The following ABTB2 variants were observed in gnomAD, a reference collection of about 807,000 sequenced individuals.
The protein encoded by ABTB2 is ankyrin repeat and BTB/POZ domain-containing protein 2.
In ABTB2, 56 loss-of-function variants were observed where a neutral mutation model predicts 104.1. The ratio of observed to expected loss-of-function variants is 0.54; its 90% CI spans 0.43 to 0.67. ABTB2 has a LOEUF of 0.67. Among genes scored for constraint, ABTB2 ranks in the 30% least tolerant of loss-of-function variants. ABTB2 has a pLI of 0.00. For missense variants in ABTB2, 1,279 were observed against 1,407.7 expected (o/e 0.91, Z 1.46); for synonymous variants, 606 against 608.2 (o/e 1.00, Z 0.05).
intron 14 of ABTB2, among the ~76,000 whole-genome samples, chr11:34,156,133 G>C (rs766217918): frequency 6.6e-6 from 1 of 152,252 alleles, no homozygotes; most frequent in Non-Finnish European, 1.5e-5. Context: ...GCTACCTCCT[G>C]CTGCATTTTA....
intron 1 of ABTB2, among the ~76,000 whole-genome samples, chr11:34,294,718 A>ATT (rs35936764): frequency 6.9e-6 from 1 of 145,286 alleles, no homozygotes. Context: ...TACAAAAACA[A>ATT]TTTTTTTTTT....
intron 1 of ABTB2, among the ~76,000 whole-genome samples, chr11:34,342,331 T>C (rs977304627): frequency 2.6e-5 from 4 of 152,150 alleles, no homozygotes; most frequent in African/African-American, 9.7e-5. Flanking sequence ...CCCCAGTGGC[T>C]CAGTTGTTGA....
chr11:34,170,053 C>T (rs938100417), intron 5 of ABTB2, among the ~76,000 whole-genome samples: 8 of 152,196 alleles, frequency 5.3e-5, no homozygotes, highest in Middle Eastern at 3.2e-3. Flanking sequence ...AGTGCCCTTC[C>T]GCACACTGTA....
rs1432209099 is a variant in ABTB2 at position 34,204,603 on chromosome 11, T to G, written c.971A>C (p.Glu324Ala). The G allele has an allele frequency of 6.2e-7, 1 of 1,613,540 alleles. No individual in the cohort carries two copies. Among genetic ancestry groups the G allele is most frequent in the African/African-American group, 1.3e-5 (1 of 74,870 alleles). The change falls in exon 2 of 17, where the codon GAG (glutamate) becomes GCG (alanine). Residue 324 changes from glutamate (E) to alanine (A), a missense_variant. Transcript: ENST00000435224. ...DERADAYAQL[E>A]LRTLEQSLLA... ...GAGGGACTGCTCCAGGGTTCGGAGCTCCAGCTGGGCATAGGCATCGGCTCG... is the reference window on the plus strand; with the variant it reads ...GAGGGACTGCTCCAGGGTTCGGAGCGCCAGCTGGGCATAGGCATCGGCTCG...
intron 1 of ABTB2, chr11:34,335,190 G>T: frequency 7.9e-7 from 1 of 1,261,914 alleles, no homozygotes; most frequent in Non-Finnish European, 1.2e-6. Flanking sequence ...AACTACACGG[G>T]TACCCCAGAG....
chr11:34,165,123 C>T (rs1852780197), intron 8 of ABTB2, 137 bp downstream of exon 8: 2 of 848,208 alleles, frequency 2.4e-6, no homozygotes, highest in Admixed American at 6.4e-5. Context: ...CCCAGTGGTC[C>T]AGAGAAGGGG....
At chr11:34,228,534 G>A (rs533827078) in intron 1 of ABTB2, among the ~76,000 whole-genome samples, 245 of 151,978 alleles carry the variant, frequency 1.6e-3, no homozygotes, top group Non-Finnish European at 2.9e-3. Flanking sequence ...ACAGGCGCCC[G>A]CCACCATACC....
chr11:34,181,783 C>T (rs1290375264), intron 3 of ABTB2, among the ~76,000 whole-genome samples: 2 of 152,208 alleles, frequency 1.3e-5, no homozygotes, highest in Non-Finnish European at 2.9e-5. Flanking sequence ...GCCCCACCTG[C>T]AAGCACCCTG....
chr11:34,353,958 T>C (rs1445900770), intron 1 of ABTB2, among the ~76,000 whole-genome samples: 1 of 152,220 alleles, frequency 6.6e-6, no homozygotes, highest in African/African-American at 2.4e-5. Flanking sequence ...GACCACTCCA[T>C]TTTGTTCCTA....
intron 3 of ABTB2, among the ~76,000 whole-genome samples, chr11:34,196,607 C>T (rs1252493560): frequency 6.6e-6 from 1 of 152,200 alleles, no homozygotes; most frequent in Non-Finnish European, 1.5e-5. Flanking sequence ...CACGTGCATC[C>T]CCTACTCATG....
At chr11:34,251,520 G>T (rs1259201817) in intron 1 of ABTB2, among the ~76,000 whole-genome samples, 1 of 152,254 alleles carries the variant, frequency 6.6e-6, no homozygotes, top group African/African-American at 2.4e-5. Context: ...GTTGACCGGT[G>T]TCCATGCCAT....
rs1855357920 is a variant in ABTB2, at chr11:34,348,246, G to C, written c.883+8455C>G. ...CCAAGAGGAGTAATTGGAGGTCTGG[G>C]GCCATGGTTAAGATGAGCTAGGGAG... On this transcript the variant is annotated intron_variant, in intron 1 of 16. Coordinates refer to ENST00000435224, the MANE Select transcript of ABTB2 (RefSeq NM_145804.3). Among the ~76,000 whole-genome samples, 2 of 152,104 alleles carry C rather than the reference G, an allele frequency of 1.3e-5. 1 individual carries two copies.
chr11:34,231,847 C>T (rs538057228), intron 1 of ABTB2, among the ~76,000 whole-genome samples: 1 of 152,200 alleles, frequency 6.6e-6, no homozygotes, highest in African/African-American at 2.4e-5. Flanking sequence ...CCGCAAAAAA[C>T]CCTATAACCC....
At chr11:34,307,016 A>G (rs2955957) in intron 1 of ABTB2, among the ~76,000 whole-genome samples, 17,550 of 149,914 alleles carry the variant, frequency 0.12, 1,404 homozygotes, top group East Asian at 0.27. Context: ...AAAGAAAAAA[A>G]GCAGACGAAC....
At chr11:34,348,106 G>C (rs534404846) in intron 1 of ABTB2, among the ~76,000 whole-genome samples, 1 of 152,304 alleles carries the variant, frequency 6.6e-6, no homozygotes, top group South Asian at 2.1e-4. Context: ...AGGGTTGATA[G>C]AAGCCTTGTT....
chr11:34,172,076 A>C (rs1852882099), intron 4 of ABTB2, among the ~76,000 whole-genome samples: 3 of 151,694 alleles, frequency 2.0e-5, no homozygotes, highest in Non-Finnish European at 4.4e-5. Context: ...GCAGAGGGTT[A>C]AAAAAAAGAT....
intron 13 of ABTB2, 88 bp from the exon 14 acceptor site, chr11:34,159,474 TACC>T: frequency 1.2e-6 from 1 of 863,604 alleles, no homozygotes; most frequent in East Asian, 2.4e-5. Flanking sequence ...CCTGACCGGC[TACC>T]ACAAGACGGA....
At chr11:34,291,457 G>C (rs916367679) in intron 1 of ABTB2, among the ~76,000 whole-genome samples, 1 of 152,144 alleles carries the variant, frequency 6.6e-6, no homozygotes, top group South Asian at 2.1e-4. Flanking sequence ...TCGGCGTGGG[G>C]CACAGGACTG....
chr11:34,227,509 A>G (rs1324879888), intron 1 of ABTB2, among the ~76,000 whole-genome samples: 2 of 152,212 alleles, frequency 1.3e-5, no homozygotes, highest in Non-Finnish European at 2.9e-5. Context: ...AGCATGTATC[A>G]GTACTATACT....
Sources: gnomAD v4.1 joint callset for allele counts (sites outside exome capture counted in the v4.1 genomes callset) on GRCh38, gnomAD v4.1.1 for gene constraint, MANE v1.5 for transcripts, NCBI Gene and HGNC (gene_info 2026-07-23, HGNC 2026-07-21) for gene names.